Variants in SLC36A4 observed in about 807,000 individuals in gnomAD.
SLC36A4 encodes neutral amino acid uniporter 4.
Under a neutral mutation model 50.5 loss-of-function variants are expected in SLC36A4, and 49 were observed. The observed-to-expected ratio is 0.97, with a 90% confidence interval of 0.77 to 1.23. The LOEUF (loss-of-function observed/expected upper bound fraction) is 1.23, where lower values mean the gene tolerates loss of function less well. Ranked by LOEUF, SLC36A4 falls within the 50% of genes most tolerant of loss-of-function variation. SLC36A4 has a pLI of 0.00. For synonymous variants in SLC36A4, 207 were observed against 206.5 expected (o/e 1.00, Z -0.02); for missense variants, 611 against 608.4 (o/e 1.00, Z -0.05).
Position 93,182,803 on chromosome 11 carries a change from T to C in SLC36A4, c.359+3A>G. 1.9e-6 allele frequency: 3 copies of C among 1,597,568 alleles called. No homozygotes were observed. On this transcript the variant is annotated splice_donor_region_variant and intron_variant, in intron 4 of 10. Coordinates refer to ENST00000326402, the MANE Select transcript of SLC36A4 (RefSeq NM_152313.4). ...TAAATAGGCTTAACAAATCCACATT[T>C]ACCTCAGACATAGAAAGTGACTGCA...
chr11:93,196,826 C>A (rs2134721811), intron 1 of SLC36A4, among the ~76,000 whole-genome samples: 1 of 152,284 alleles, frequency 6.6e-6, no homozygotes, highest in African/African-American at 2.4e-5. Context: ...ATTACTGTAT[C>A]TATAAAATGG....
chr11:93,185,731 C>T lies in SLC36A4; in HGVS notation c.139G>A (p.Val47Ile), dbSNP rs1861955821. 1 of 1,606,072 alleles carries T rather than the reference C, an allele frequency of 6.2e-7. No homozygotes were observed. The highest frequency in any genetic ancestry group is 1.7e-5 in the Admixed American group (1 of 57,776). ...TCATCAAGTTGGTAATGCTTCTGAA[C>T]AGGCAGAAGCTCTTGCTCATGTTCT... Reference protein sequence around the residue: ...DEEHEQELLPVQKHYQLDDQE... With the variant: ...DEEHEQELLPIQKHYQLDDQE... Residue 47 changes from valine to isoleucine, a missense_variant, in exon 2 of 11, where the codon GTT becomes ATT. Val to Ile is a conservative substitution (Grantham distance 29, BLOSUM62 3). Coordinates refer to ENST00000326402, the MANE Select transcript of SLC36A4 (RefSeq NM_152313.4).
At chr11:93,189,063 A>G (rs1024779486) in intron 1 of SLC36A4, among the ~76,000 whole-genome samples, 5 of 144,296 alleles carry the variant, frequency 3.5e-5, no homozygotes, top group South Asian at 2.2e-4. Flanking sequence ...GCAAAGCCTC[A>G]CCTTTTTTTT....
chr11:93,144,980 A>G lies in SLC36A4; in HGVS notation c.*3557T>C, dbSNP rs1859819963. 6.6e-6 allele frequency: 1 copy of G among 152,016 alleles called. No individual in the cohort carries two copies. The highest frequency in any genetic ancestry group is 2.4e-5 in the African/African-American group (1 of 41,440). The allele number at this position is 152,016 out of a possible 1,614,324, so 9.4% of individuals were successfully genotyped here. A position where few individuals can be genotyped will look rare whatever the true frequency, so the allele number is the denominator to read the frequency against. ...TTTATTTATTATTTACACTAGCTCTATTTCAAATCTTCTCCTTTTAAATGA... is the reference window on the plus strand; with the variant it reads ...TTTATTTATTATTTACACTAGCTCTGTTTCAAATCTTCTCCTTTTAAATGA... On this transcript the variant is annotated 3_prime_UTR_variant, in exon 11 of 11. Coordinates refer to ENST00000326402, the MANE Select transcript of SLC36A4 (RefSeq NM_152313.4).
intron 6 of SLC36A4, among the ~76,000 whole-genome samples, chr11:93,175,002 G>A (rs1861386917): frequency 6.6e-6 from 1 of 151,748 alleles, no homozygotes; most frequent in African/African-American, 2.4e-5. Flanking sequence ...CTATTGATTG[G>A]AATACTTTCA....
chr11:93,144,197 A>C lies in SLC36A4; in HGVS notation c.*4340T>G, dbSNP rs1234032141. On this transcript the variant is annotated 3_prime_UTR_variant, in exon 11 of 11. Transcript: ENST00000326402. ...ACTGCAAGCAAAATATTTTATTGAAAATTCAGAAAAGTTACAACACTTTAA... is the reference window on the plus strand; with the variant it reads ...ACTGCAAGCAAAATATTTTATTGAACATTCAGAAAAGTTACAACACTTTAA... The C allele has an allele frequency of 6.6e-6, 1 of 152,072 alleles. No individual in the cohort carries two copies. Among genetic ancestry groups the C allele is most frequent in the Non-Finnish European group, 1.5e-5 (1 of 67,990 alleles). The allele number at this position is 152,072 out of a possible 1,614,324, so 9.4% of individuals were successfully genotyped here.
At chr11:93,157,634 T>C (rs1458507031) in intron 9 of SLC36A4, among the ~76,000 whole-genome samples, 1 of 152,188 alleles carries the variant, frequency 6.6e-6, no homozygotes, top group South Asian at 2.1e-4. Flanking sequence ...ACAATACCAT[T>C]CACAATTGCC....
At chr11:93,188,125 GT>G (rs1403056896) in intron 1 of SLC36A4, among the ~76,000 whole-genome samples, 1 of 152,088 alleles carries the variant, frequency 6.6e-6, no homozygotes, top group Non-Finnish European at 1.5e-5. Flanking sequence ...AAAATTTTCT[GT>G]TTTTATACTT....
chr11:93,154,140 A>G lies in SLC36A4; in HGVS notation c.1175T>C (p.Phe392Ser), dbSNP rs1377512433. The G allele has an allele frequency of 1.3e-6, 2 of 1,555,114 alleles. No individual in the cohort carries two copies. Among genetic ancestry groups the G allele is most frequent in the Non-Finnish European group, 1.7e-6 (2 of 1,153,254 alleles). The change falls in exon 10 of 11, where the codon TTT (phenylalanine) becomes TCT (serine). Residue 392 changes from phenylalanine (F) to serine (S), a missense_variant. Transcript: ENST00000326402. ...ACTAACCAAGAAGGATCTTATCCCA[A>G]ATTCACAGATTTGCTTCCATTTAGT... ...FHTKWKQICE[F>S]GIRSFLVSIT...
intron 10 of SLC36A4, among the ~76,000 whole-genome samples, chr11:93,152,947 A>G (rs1207738646): frequency 6.6e-6 from 1 of 152,120 alleles, no homozygotes; most frequent in Admixed American, 6.6e-5. Context: ...TTCATTTGTC[A>G]TCAGAGTATG....
chr11:93,195,772 G>A (rs1590997713), intron 1 of SLC36A4, among the ~76,000 whole-genome samples: 1 of 152,044 alleles, frequency 6.6e-6, no homozygotes, highest in Non-Finnish European at 1.5e-5. Flanking sequence ...TGGAGTAGTC[G>A]TTCCCCAGAT....
At chr11:93,167,908 AAGAT>A in intron 7 of SLC36A4, 32 bp downstream of exon 7, 1 of 1,402,428 alleles carries the variant, frequency 7.1e-7, no homozygotes, top group Non-Finnish European at 9.8e-7. Flanking sequence ...TTACATAAGA[AAGAT>A]AAGAACTTAG....
intron 2 of SLC36A4, chr11:93,185,169 A>G: frequency 6.6e-6 from 1 of 152,264 alleles, no homozygotes; most frequent in East Asian, 1.9e-4. Context: ...GAAAATGAAG[A>G]GCAAAAAGTG....
chr11:93,149,650 T>C (rs1461242535), intron 10 of SLC36A4, among the ~76,000 whole-genome samples: 1 of 151,980 alleles, frequency 6.6e-6, no homozygotes, highest in African/African-American at 2.4e-5. Context: ...ATTACTGACA[T>C]TTCGAAAGTG....
At chr11:93,184,158 A>C (rs1166343643) in intron 3 of SLC36A4, among the ~76,000 whole-genome samples, 5 of 152,234 alleles carry the variant, frequency 3.3e-5, no homozygotes, top group African/African-American at 1.2e-4. Context: ...AATAAGATAT[A>C]ACTATACCTG....
chr11:93,172,796 T>C (rs376759835), intron 6 of SLC36A4, among the ~76,000 whole-genome samples: 1 of 132,478 alleles, frequency 7.5e-6, no homozygotes, highest in Non-Finnish European at 1.6e-5. Flanking sequence ...TATGGCTGCA[T>C]AGTATTCCAT....
chr11:93,161,131 T>C (rs924651232), intron 9 of SLC36A4, among the ~76,000 whole-genome samples: 1 of 152,190 alleles, frequency 6.6e-6, no homozygotes. Context: ...TAAGCCACCA[T>C]ACCCGGCTCA....
chr11:93,196,252 C>A (rs946211505), intron 1 of SLC36A4, among the ~76,000 whole-genome samples: 1 of 152,096 alleles, frequency 6.6e-6, no homozygotes, highest in East Asian at 1.9e-4. Flanking sequence ...TTTCATTGTA[C>A]TTTAGTTAAC....
Position 93,182,814 on chromosome 11 carries a change from T to C in SLC36A4, c.351A>G (p.Leu117=), listed in dbSNP as rs900365339. The C allele has an allele frequency of 3.1e-6, 5 of 1,607,696 alleles. No individual in the cohort carries two copies. Among genetic ancestry groups the C allele is most frequent in the East Asian group, 2.2e-5 (1 of 44,618 alleles). ...MHILVRCSHF[L]CLRFKKSTLG... is the part of the protein sequence containing the mutation. ...AACAAATCCACATTTACCTCAGACA[T>C]AGAAAGTGACTGCAACGTACCAATA... The change falls in exon 4 of 11, where the codon CTA becomes CTG. Residue 117 remains leucine (L), a synonymous_variant. Transcript: ENST00000326402.
Sources: gnomAD v4.1 joint callset for allele counts (sites outside exome capture counted in the v4.1 genomes callset) on GRCh38, gnomAD v4.1.1 for gene constraint, MANE v1.5 for transcripts, NCBI Gene and HGNC (gene_info 2026-07-23, HGNC 2026-07-21) for gene names.